Variants in SGIP1 observed in about 807,000 individuals in gnomAD.
SGIP1 encodes SH3GL interacting endocytic adaptor 1.
SGIP1 carries 38 observed loss-of-function variants against 107.5 expected under a neutral mutation model. That is an observed-to-expected ratio of 0.35 (90% CI 0.27 to 0.46). The LOEUF is 0.46. SGIP1 is among the 20% of genes least tolerant of loss of function. The probability of loss-of-function intolerance (pLI) is 1.00; values close to 1 mark genes in which losing one functional copy is unlikely to be tolerated. For missense variants in SGIP1, 929 were observed against 1,019.5 expected (o/e 0.91, Z 1.21); for synonymous variants, 365 against 366.1 (o/e 1.00, Z 0.03).
Position 66,549,171 on chromosome 1 carries a change from CTT to C in SGIP1, c.10+14804_10+14805del, listed in dbSNP as rs1342808435. Among the ~76,000 whole-genome samples the C allele has an allele frequency of 4.1e-4, 62 of 151,600 alleles. No homozygotes were observed. The South Asian group carries it at 0.013, about 31-fold the overall frequency. ...CCTTCCTTCCTTCCTTCCTTCCTTCCTTCCTTCCTTCCTTCCTTCCTTCCTTC... is the reference window on the plus strand; with the variant it reads ...CCTTCCTTCCTTCCTTCCTTCCTTCCCCTTCCTTCCTTCCTTCCTTCCTTC... On this transcript the variant is annotated intron_variant, in intron 1 of 24. Coordinates refer to ENST00000371037, the MANE Select transcript of SGIP1 (RefSeq NM_032291.4).
chr1:66,646,968 T>G (rs1342420845), intron 7 of SGIP1, among the ~76,000 whole-genome samples: 8 of 152,206 alleles, frequency 5.3e-5, no homozygotes, highest in Non-Finnish European at 1.0e-4. Flanking sequence ...GCTGATAAGA[T>G]ACCAAGCTTA....
rs769655797 is a variant in SGIP1, at chr1:66,672,014, A to G, written c.560+19A>G. On this transcript the variant is annotated intron_variant, in intron 11 of 24. Coordinates refer to ENST00000371037, the MANE Select transcript of SGIP1 (RefSeq NM_032291.4). ...TTATAAGGTGAGTGTGAAAGACATT[A>G]GTTGTGTTTTATGCAAGGCATCATG... 3.1e-6 allele frequency: 5 copies of G among 1,613,128 alleles called. No individual in the cohort carries two copies. Among genetic ancestry groups the G allele is most frequent in the Non-Finnish European group, 4.2e-6 (5 of 1,179,242 alleles).
intron 1 of SGIP1, among the ~76,000 whole-genome samples, chr1:66,561,250 CTTTG>C (rs936394105): frequency 5.3e-5 from 8 of 152,124 alleles, no homozygotes; most frequent in Admixed American, 2.6e-4. Flanking sequence ...GTGACATTCA[CTTTG>C]TTTGGTAGTG....
chr1:66,731,309 TG>T (rs2093998826), intron 20 of SGIP1, among the ~76,000 whole-genome samples: 1 of 152,220 alleles, frequency 6.6e-6, no homozygotes, highest in Admixed American at 6.5e-5. Context: ...TTAGGAATTA[TG>T]TGCCAATATC....
chr1:66,685,780 C>G (rs545083316), intron 15 of SGIP1, among the ~76,000 whole-genome samples: 1 of 152,292 alleles, frequency 6.6e-6, no homozygotes, highest in South Asian at 2.1e-4. Context: ...GATACAGCAG[C>G]CACAATTCAA....
chr1:66,566,066 A>T (rs1323812966), intron 1 of SGIP1, among the ~76,000 whole-genome samples: 1 of 152,006 alleles, frequency 6.6e-6, no homozygotes, highest in Admixed American at 6.6e-5. Context: ...ACACTGAATG[A>T]AAGATATATT....
chr1:66,725,765 A>G (rs2093725551), intron 19 of SGIP1, among the ~76,000 whole-genome samples: 1 of 152,210 alleles, frequency 6.6e-6, no homozygotes, highest in African/African-American at 2.4e-5. Flanking sequence ...GAGAGTTTTC[A>G]GGCCTGGCAT....
intron 20 of SGIP1, among the ~76,000 whole-genome samples, chr1:66,733,290 C>A (rs2094100814): frequency 1.3e-5 from 2 of 152,122 alleles, no homozygotes; most frequent in Non-Finnish European, 2.9e-5. Context: ...TGATAAAGAC[C>A]ATGTTTACAT....
intron 18 of SGIP1, among the ~76,000 whole-genome samples, chr1:66,702,069 G>A (rs149964989): frequency 6.6e-6 from 1 of 152,178 alleles, no homozygotes; most frequent in Middle Eastern, 3.2e-3. Context: ...TCGCTGATGA[G>A]CCCTTAATAC....
rs778433508 is a variant in SGIP1, at chr1:66,749,039, G to T, written c.*5944G>T. Among the ~76,000 whole-genome samples the T allele has an allele frequency of 6.6e-5, 10 of 151,904 alleles. No homozygotes were observed. Among genetic ancestry groups the T allele is most frequent in the Non-Finnish European group, 1.0e-4 (7 of 67,842 alleles). On this transcript the variant is annotated 3_prime_UTR_variant, in exon 25 of 25. Transcript: ENST00000371037. ...CTGGAATTTTGTTTTAATTTTAAGA[G>T]AATTCCTGTCATTTCAAATGAATTG... is the stretch of plus-strand genomic sequence containing the variant.
chr1:66,693,338 G>C (rs918563007), intron 17 of SGIP1, among the ~76,000 whole-genome samples: 1 of 151,916 alleles, frequency 6.6e-6, no homozygotes, highest in African/African-American at 2.4e-5. Context: ...TCTACTATAT[G>C]ATTTGGGGGA....
At chr1:66,710,583 T>A (rs2092847678) in intron 18 of SGIP1, among the ~76,000 whole-genome samples, 1 of 152,156 alleles carries the variant, frequency 6.6e-6, no homozygotes, top group South Asian at 2.1e-4. Flanking sequence ...TTTTCCCAAA[T>A]TAACACTAGT....
At chr1:66,740,387 G>A (rs1023793289) in intron 22 of SGIP1, among the ~76,000 whole-genome samples, 1 of 151,998 alleles carries the variant, frequency 6.6e-6, no homozygotes, top group Non-Finnish European at 1.5e-5. Context: ...CCATGTATCT[G>A]TCTTAGCAGA....
intron 1 of SGIP1, among the ~76,000 whole-genome samples, chr1:66,597,934 G>A (rs2065032712): frequency 6.6e-6 from 1 of 152,052 alleles, no homozygotes; most frequent in Non-Finnish European, 1.5e-5. Context: ...TACTGAAAAA[G>A]TAGTACCATA....
intron 1 of SGIP1, among the ~76,000 whole-genome samples, chr1:66,542,155 T>C (rs183261553): frequency 6.6e-6 from 1 of 152,124 alleles, no homozygotes; most frequent in East Asian, 1.9e-4. Context: ...ATTATATATA[T>C]ACCTTCATAG....
intron 1 of SGIP1, among the ~76,000 whole-genome samples, chr1:66,540,186 T>A (rs976987332): frequency 2.0e-5 from 3 of 151,946 alleles, no homozygotes; most frequent in Non-Finnish European, 4.4e-5. Flanking sequence ...AAGACAATAT[T>A]CTGCAGTGAT....
At chr1:66,547,687 T>A (rs1158543122) in intron 1 of SGIP1, among the ~76,000 whole-genome samples, 1 of 152,098 alleles carries the variant, frequency 6.6e-6, no homozygotes, top group African/African-American at 2.4e-5. Context: ...CACATAGAGA[T>A]CTTGCTGTCA....
intron 1 of SGIP1, among the ~76,000 whole-genome samples, chr1:66,569,320 T>C (rs1238388960): frequency 2.0e-5 from 3 of 151,984 alleles, no homozygotes; most frequent in African/African-American, 7.2e-5. Flanking sequence ...GTAGAAAAGC[T>C]GTGAGTTTCT....
At chr1:66,715,104 C>A (rs544265209) in intron 18 of SGIP1, among the ~76,000 whole-genome samples, 4 of 152,078 alleles carry the variant, frequency 2.6e-5, no homozygotes, top group South Asian at 2.1e-4. Context: ...TAAATTACAT[C>A]TTAAGGAAAT....
Sources: gnomAD v4.1 joint callset for allele counts (sites outside exome capture counted in the v4.1 genomes callset) on GRCh38, gnomAD v4.1.1 for gene constraint, MANE v1.5 for transcripts, NCBI Gene and HGNC (gene_info 2026-07-23, HGNC 2026-07-21) for gene names.